Variants in AGAP1 observed in about 807,000 individuals in gnomAD.
AGAP1 encodes the protein ArfGAP with GTPase domain, ankyrin repeat and PH domain 1.
Under a neutral mutation model 105.3 loss-of-function variants are expected in AGAP1, and 29 were observed. The ratio of observed to expected loss-of-function variants is 0.28; its 90% confidence interval spans 0.21 to 0.38. The LOEUF (loss-of-function observed/expected upper bound fraction) is 0.38, where lower values mean the gene tolerates loss of function less well. Among genes scored for constraint, AGAP1 ranks in the 10% least tolerant of loss-of-function variants. AGAP1 has a pLI of 1.00. For synonymous variants in AGAP1, 509 were observed against 485.9 expected (o/e 1.05, Z -0.63); for missense variants, 998 against 1,165.1 (o/e 0.86, Z 2.09).
chr2:235,590,943 G>A (rs1423085194), intron 1 of AGAP1, among the ~76,000 whole-genome samples: 3 of 151,588 alleles, frequency 2.0e-5, no homozygotes, highest in Admixed American at 6.6e-5. Flanking sequence ...GGATGGTCTC[G>A]ATCTCCTGAC....
intron 9 of AGAP1, among the ~76,000 whole-genome samples, chr2:235,837,510 G>T (rs1960308748): frequency 6.6e-6 from 1 of 152,138 alleles, no homozygotes; most frequent in Non-Finnish European, 1.5e-5. Context: ...CTACTTGCCA[G>T]CTGTGAGCCT....
At chr2:236,065,194 C>G (rs1305746162) in intron 16 of AGAP1, among the ~76,000 whole-genome samples, 1 of 152,196 alleles carries the variant, frequency 6.6e-6, no homozygotes, top group Non-Finnish European at 1.5e-5. Context: ...GGAAAAGGCT[C>G]TGTTCCTGAC....
chr2:235,707,312 C>G (rs577144907), intron 1 of AGAP1, among the ~76,000 whole-genome samples: 2 of 144,962 alleles, frequency 1.4e-5, no homozygotes, highest in East Asian at 2.0e-4. Context: ...TCTCTGCCCT[C>G]TAGAGATCAC....
At chr2:235,629,880 A>AG (rs1362695634) in intron 1 of AGAP1, among the ~76,000 whole-genome samples, 2,495 of 150,936 alleles carry the variant, frequency 0.017, 33 homozygotes, top group African/African-American at 0.029. Flanking sequence ...AAAAAAAAAA[A>AG]AAAGAAAGAA....
intron 1 of AGAP1, among the ~76,000 whole-genome samples, chr2:235,681,061 T>C (rs1416895770): frequency 6.6e-6 from 1 of 151,926 alleles, no homozygotes; most frequent in East Asian, 1.9e-4. Flanking sequence ...CAGGCTGGAG[T>C]GCAGTGGCGC....
At chr2:235,909,234 A>G (rs1248722562) in intron 11 of AGAP1, among the ~76,000 whole-genome samples, 1 of 152,226 alleles carries the variant, frequency 6.6e-6, no homozygotes, top group Admixed American at 6.5e-5. Context: ...TAAAGTGTCA[A>G]AGATTAACTC....
intron 6 of AGAP1, among the ~76,000 whole-genome samples, chr2:235,783,823 G>T (rs1956432197): frequency 6.6e-6 from 1 of 152,028 alleles, no homozygotes; most frequent in African/African-American, 2.4e-5. Flanking sequence ...TCATGGACCG[G>T]TACAACTAAG....
rs905048072 is a variant in AGAP1 at position 235,961,964 on chromosome 2, C to T, written c.1484-6498C>T. Among the ~76,000 whole-genome samples the T allele has an allele frequency of 1.3e-5, 2 of 152,260 alleles. No individual in the cohort carries two copies. The highest frequency in any genetic ancestry group is 3.4e-3 in the Middle Eastern group (1 of 294). ...CATCCATTTCCCAGGGGAGGGGCCCCGCGCCCATGGAGACTGCTGGGGACA... is the reference window on the plus strand; with the variant it reads ...CATCCATTTCCCAGGGGAGGGGCCCTGCGCCCATGGAGACTGCTGGGGACA... On this transcript the variant is annotated intron_variant, in intron 12 of 17. Transcript: ENST00000304032. This position sits in a 1 kb window ranked among gnomAD's most constrained non-coding sequence, Gnocchi z 5.9.
At chr2:235,562,557 A>T (rs1301431064) in intron 1 of AGAP1, among the ~76,000 whole-genome samples, 1 of 147,874 alleles carries the variant, frequency 6.8e-6, no homozygotes, top group African/African-American at 2.5e-5. Context: ...CCGCTGCCCC[A>T]TGCTTTCTGG....
In AGAP1 at chr2:235,535,481, G is replaced by A. The variant is rs1460750851; in HGVS notation, c.163+40632G>A. 1.1e-5 allele frequency among the ~76,000 whole-genome samples: 1 copy of A among 91,544 alleles called. No homozygotes were observed. The highest frequency in any genetic ancestry group is 5.2e-5 in the African/African-American group (1 of 19,136). The allele number at this position is 91,544 out of a possible 152,430, so 60.1% of individuals were successfully genotyped here. A position where few individuals can be genotyped will look rare whatever the true frequency, so the allele number is the denominator to read the frequency against. Reference sequence around the variant, plus strand: ...TGCAGGAGGAATTGATCTTAGGGTAGTATTTTGGATTTAAAAAAAAAAAAA... The same window carrying A: ...TGCAGGAGGAATTGATCTTAGGGTAATATTTTGGATTTAAAAAAAAAAAAA... On this transcript the variant is annotated intron_variant, in intron 1 of 17. Coordinates refer to ENST00000304032, the MANE Select transcript of AGAP1 (RefSeq NM_001037131.3). The surrounding 1 kb of genome is among the most constrained non-coding windows in gnomAD (Gnocchi z 5.1).
chr2:235,834,806 G>A (rs182544320), intron 9 of AGAP1, among the ~76,000 whole-genome samples: 42 of 152,298 alleles, frequency 2.8e-4, no homozygotes, highest in Admixed American at 7.8e-4. Context: ...ACTTCTGGGC[G>A]CATGTGTGGA....
intron 11 of AGAP1, among the ~76,000 whole-genome samples, chr2:235,915,799 A>G (rs999948457): frequency 1.3e-5 from 2 of 152,258 alleles, no homozygotes; most frequent in African/African-American, 4.8e-5. Context: ...GTAGTCAAAG[A>G]TGTAACAGAA....
In AGAP1 at chr2:235,749,474, T is replaced by C. The variant is rs139358460; in HGVS notation, c.539-880T>C. Among the ~76,000 whole-genome samples, 241 of 152,040 alleles carry C rather than the reference T, an allele frequency of 1.6e-3. 3 individuals carry two copies. The East Asian group carries it at 0.02, about 13-fold the overall frequency. ...CCCCCGTGTGCACACATGACTTAGA[T>C]TGGGGGGATCCAGGTCACCTGTGAC... On this transcript the variant is annotated intron_variant, in intron 5 of 17. Transcript: ENST00000304032.
rs1196616109 is a variant in AGAP1 at position 236,003,983 on chromosome 2, A to G, written c.1646-32578A>G. Among the ~76,000 whole-genome samples, 1 of 152,102 alleles carries G rather than the reference A, an allele frequency of 6.6e-6. No individual in the cohort carries two copies. Among genetic ancestry groups the G allele is most frequent in the Non-Finnish European group, 1.5e-5 (1 of 68,028 alleles). The stretch of plus-strand genomic sequence containing the variant: ...CGGTTTAGTATTCCTTTTTCTGGCA[A>G]CTCACTTAGGGCTTTTACAGGTGCA... On this transcript the variant is annotated intron_variant, in intron 13 of 17. Transcript: ENST00000304032. This position sits in a 1 kb window ranked among gnomAD's most constrained non-coding sequence, Gnocchi z 4.2.
Position 235,883,085 on chromosome 2 carries a change from G to A in AGAP1, c.1051-260G>A, listed in dbSNP as rs1025107287. Among the ~76,000 whole-genome samples, 1 of 151,998 alleles carries A rather than the reference G, an allele frequency of 6.6e-6. No individual in the cohort carries two copies. The highest frequency in any genetic ancestry group is 1.5e-5 in the Non-Finnish European group (1 of 68,012). On this transcript the variant is annotated intron_variant, in intron 9 of 17. Coordinates refer to ENST00000304032, the MANE Select transcript of AGAP1 (RefSeq NM_001037131.3). The surrounding 1 kb of genome is among the most constrained non-coding windows in gnomAD (Gnocchi z 4.5). ...GATCCTTACACCGTGCCCAGCCTGG[G>A]GTTTCTTTCTTTAAAACATTATACC...
chr2:235,847,725 C>T lies in AGAP1; in HGVS notation c.1051-35620C>T, dbSNP rs145998029. Among the ~76,000 whole-genome samples, 672 of 152,254 alleles carry T rather than the reference C, an allele frequency of 4.4e-3. 3 individuals are homozygous for T. The highest frequency in any genetic ancestry group is 0.015 in the African/African-American group (631 of 41,558). On this transcript the variant is annotated intron_variant, in intron 9 of 17. Coordinates refer to ENST00000304032, the MANE Select transcript of AGAP1 (RefSeq NM_001037131.3). ...GGCGCCTTTCTGTGCTTGTTTGCCA[C>T]GACAGTGGCTCTCGTACACGACGCC...
chr2:236,021,426 T>C (rs1227978755), intron 13 of AGAP1, among the ~76,000 whole-genome samples: 1 of 152,136 alleles, frequency 6.6e-6, no homozygotes, highest in East Asian at 1.9e-4. Context: ...GCTGGACTCT[T>C]GCAGAGGAAC....
intron 11 of AGAP1, among the ~76,000 whole-genome samples, chr2:235,921,904 G>A (rs778154098): frequency 1.9e-4 from 29 of 152,214 alleles, no homozygotes; most frequent in Non-Finnish European, 4.1e-4. Flanking sequence ...ATACAGGAGC[G>A]AATGGGCCCC....
Position 235,976,703 on chromosome 2 carries a change from G to A in AGAP1, c.1645+8080G>A, listed in dbSNP as rs547637954. 6.6e-6 allele frequency among the ~76,000 whole-genome samples: 1 copy of A among 152,284 alleles called. No homozygotes were observed. The highest frequency in any genetic ancestry group is 2.1e-4 in the South Asian group (1 of 4,820). ...GGACACACATAGACCAGTGGAGAAA[G>A]CAGAAACACGCCGGGGAACTTGGTT... On this transcript the variant is annotated intron_variant, in intron 13 of 17. Transcript: ENST00000304032. This position sits in a 1 kb window ranked among gnomAD's most constrained non-coding sequence, Gnocchi z 4.5.
Sources: gnomAD v4.1 joint callset for allele counts (sites outside exome capture counted in the v4.1 genomes callset) on GRCh38, gnomAD v4.1.1 for gene constraint, Gnocchi (gnomAD v3.1) non-coding constraint, MANE v1.5 for transcripts, NCBI Gene and HGNC (gene_info 2026-07-23, HGNC 2026-07-21) for gene names.